The following SYBU variants were observed in gnomAD, a reference collection of about 807,000 sequenced individuals.
SYBU encodes the protein syntabulin, also known as GOLSYN A protein.
Under a neutral mutation model 35.9 loss-of-function variants are expected in SYBU, and 21 were observed. That is an observed-to-expected ratio of 0.58 (90% confidence interval 0.41 to 0.84). The LOEUF is 0.84. Ranked by LOEUF, SYBU falls within the 40% of genes least tolerant of loss-of-function variation. The pLI is 0.00. For synonymous variants in SYBU, 319 were observed against 324.3 expected, an observed-to-expected ratio of 0.98 and a Z score of 0.18; for missense variants, 768 against 848.2, an observed-to-expected ratio of 0.91 and a Z score of 1.17.
intron 3 of SYBU, among the ~76,000 whole-genome samples, chr8:109,607,002 T>C (rs952765811): frequency 6.6e-6 from 1 of 152,256 alleles, no homozygotes; most frequent in Admixed American, 6.5e-5. Context: ...GTCAGCTATA[T>C]ATGTGAACAA....
At chr8:109,686,859 TTCTC>T (rs1817530341) in intron 1 of SYBU, among the ~76,000 whole-genome samples, 1 of 152,344 alleles carries the variant, frequency 6.6e-6, no homozygotes, top group Admixed American at 6.5e-5. Flanking sequence ...TCTTACTTCT[TTCTC>T]TTTCTGTATT....
chr8:109,586,149 A>G lies in SYBU; in HGVS notation c.441T>C (p.Asp147=). The change falls in exon 4 of 7, where the codon GAT becomes GAC. Residue 147 remains aspartate (D), a synonymous_variant. Transcript: ENST00000276646. ...TGCCTGTGCTGCTCGAGGAGCTAAA[A>G]TCAGCTTCACTACCTGAAAAACAAC... ...SGLVKPGSEA[D]FSSSSSTGSI... is the part of the protein sequence containing the mutation. 1 of 1,607,298 alleles carries G rather than the reference A, an allele frequency of 6.2e-7. No individual in the cohort carries two copies. Among genetic ancestry groups the G allele is most frequent in the Non-Finnish European group, 8.5e-7 (1 of 1,177,250 alleles).
At chr8:109,612,983 AAAAAAAAAAAAAAG>A (rs200366468) in intron 3 of SYBU, among the ~76,000 whole-genome samples, 44,953 of 149,434 alleles carry the variant, frequency 0.3, 7,678 homozygotes, top group African/African-American at 0.45. Flanking sequence ...CTGTTAAAAA[AAAAAAAAAAAAAAG>A]AAGAAGAAGA....
Position 109,619,157 on chromosome 8 carries a change from G to C in SYBU, c.230-118C>G, listed in dbSNP as rs529275860. ...ACTCGCACACGTACACTCTGCTTAT[G>C]AAGCCCAGGTTAACTGCTGTGGACT... On this transcript the variant is annotated intron_variant, in intron 2 of 6. Transcript: ENST00000276646. The C allele has an allele frequency of 5.5e-6, 4 of 728,670 alleles. No homozygotes were observed. The East Asian group carries it at 1.1e-4, about 20-fold the overall frequency. 45.1% of individuals were successfully genotyped at this position (728,670 alleles called of 1,614,324 possible). A position where few individuals can be genotyped will look rare whatever the true frequency, so the allele number is the denominator to read the frequency against.
In SYBU at chr8:109,584,070, G is replaced by C. The variant is rs1029761915; in HGVS notation, c.530+1990C>G. 6.6e-6 allele frequency among the ~76,000 whole-genome samples: 1 copy of C among 151,432 alleles called. No individual in the cohort carries two copies. Among genetic ancestry groups the C allele is most frequent in the African/African-American group, 2.4e-5 (1 of 41,160 alleles). On this transcript the variant is annotated intron_variant, in intron 4 of 6. Coordinates refer to ENST00000276646, the MANE Select transcript of SYBU (RefSeq NM_001099754.2). This position sits in a 1 kb window ranked among gnomAD's most constrained non-coding sequence, Gnocchi z 4.0. Reference sequence around the variant, plus strand: ...TGAACTCAGTTGATCCATCCGCCTTGGCCTCCTAAAAGTGCTGGGATTATA... The same window carrying C: ...TGAACTCAGTTGATCCATCCGCCTTCGCCTCCTAAAAGTGCTGGGATTATA...
At chr8:109,690,265 C>T (rs1817616884) in intron 1 of SYBU, among the ~76,000 whole-genome samples, 1 of 152,184 alleles carries the variant, frequency 6.6e-6, no homozygotes, top group African/African-American at 2.4e-5. Context: ...ACAGGTGCTA[C>T]TGCTCTCCAA....
intron 1 of SYBU, among the ~76,000 whole-genome samples, chr8:109,659,684 C>A (rs1274940522): frequency 4.6e-5 from 7 of 152,150 alleles, no homozygotes; most frequent in Non-Finnish European, 1.5e-5. Context: ...TCGGTTGTTC[C>A]CTTCTACTAC....
At chr8:109,609,061 C>T (rs567172766) in intron 3 of SYBU, among the ~76,000 whole-genome samples, 2 of 152,244 alleles carry the variant, frequency 1.3e-5, no homozygotes, top group Admixed American at 6.5e-5. Flanking sequence ...TAAACTCCCC[C>T]GACCCGTGCT....
chr8:109,600,030 A>T (rs1825340105), intron 3 of SYBU, among the ~76,000 whole-genome samples: 1 of 151,878 alleles, frequency 6.6e-6, no homozygotes, highest in African/African-American at 2.4e-5. Flanking sequence ...CAGGAAGGGG[A>T]TTAGGTGGCC....
At chr8:109,641,838 G>A (rs1017246748) in intron 2 of SYBU, among the ~76,000 whole-genome samples, 24 of 152,338 alleles carry the variant, frequency 1.6e-4, no homozygotes, top group African/African-American at 5.5e-4. Flanking sequence ...AAATAGGAAC[G>A]TTTTTACACT....
chr8:109,574,826 C>G lies in SYBU; in HGVS notation c.*80G>C, dbSNP rs1822018634. The stretch of plus-strand genomic sequence containing the variant: ...AGCAAAACGACAGAATAGAGACTGT[C>G]ACAGATGATTGACTTCCTGTTTCTC... On this transcript the variant is annotated 3_prime_UTR_variant, in exon 7 of 7. Coordinates refer to ENST00000276646, the MANE Select transcript of SYBU (RefSeq NM_001099754.2). The G allele has an allele frequency of 7.0e-7, 1 of 1,431,472 alleles. No individual in the cohort carries two copies. Among genetic ancestry groups the G allele is most frequent in the South Asian group, 1.5e-5 (1 of 64,790 alleles). 88.7% of individuals were successfully genotyped at this position (1,431,472 alleles called of 1,614,324 possible).
upstream of SYBU, among the ~76,000 whole-genome samples, chr8:109,683,050 A>C (rs928820393): frequency 9.2e-5 from 14 of 152,236 alleles, no homozygotes; most frequent in Admixed American, 5.9e-4. Context: ...CTGGATGTCC[A>C]GGGAGAAGTT....
intron 1 of SYBU, among the ~76,000 whole-genome samples, chr8:109,689,147 A>C (rs955098253): frequency 1.1e-4 from 16 of 152,242 alleles, no homozygotes; most frequent in African/African-American, 3.9e-4. Context: ...CAGTTTCTTT[A>C]TTTTGAAATT....
At chr8:109,622,005 C>A (rs1382351296) in intron 2 of SYBU, among the ~76,000 whole-genome samples, 1 of 152,204 alleles carries the variant, frequency 6.6e-6, no homozygotes, top group Non-Finnish European at 1.5e-5. Flanking sequence ...CTTCTCTGCT[C>A]TCCCTCCTCC....
At chr8:109,639,008 T>A (rs965967315) in intron 2 of SYBU, among the ~76,000 whole-genome samples, 3 of 152,222 alleles carry the variant, frequency 2.0e-5, no homozygotes, top group Non-Finnish European at 4.4e-5. Flanking sequence ...TCATTAAATG[T>A]TCCTTGCCAA....
intron 6 of SYBU, among the ~76,000 whole-genome samples, chr8:109,577,142 TA>T (rs1822421215): frequency 6.6e-6 from 1 of 152,206 alleles, no homozygotes; most frequent in Admixed American, 6.5e-5. Flanking sequence ...GTTTTCTTTA[TA>T]TCTTTGTGGC....
chr8:109,619,509 G>A (rs1324682859), intron 2 of SYBU, among the ~76,000 whole-genome samples: 3 of 152,084 alleles, frequency 2.0e-5, no homozygotes, highest in South Asian at 4.1e-4. Flanking sequence ...TTACAATCAT[G>A]AGCTACCATG....
chr8:109,618,387 A>T (rs1193446851), intron 3 of SYBU, among the ~76,000 whole-genome samples: 1 of 152,110 alleles, frequency 6.6e-6, no homozygotes, highest in African/African-American at 2.4e-5. Flanking sequence ...AAAGACTATA[A>T]CTAAGTTAGC....
At chr8:109,663,039 A>C (rs1368023578) in intron 1 of SYBU, among the ~76,000 whole-genome samples, 2 of 152,176 alleles carry the variant, frequency 1.3e-5, no homozygotes, top group Admixed American at 1.3e-4. Flanking sequence ...TCATTAAGAG[A>C]AACCTGGATC....
Sources: gnomAD v4.1 joint callset for allele counts (sites outside exome capture counted in the v4.1 genomes callset) on GRCh38, gnomAD v4.1.1 for gene constraint, Gnocchi (gnomAD v3.1) non-coding constraint, MANE v1.5 for transcripts, NCBI Gene and HGNC (gene_info 2026-07-23, HGNC 2026-07-21) for gene names.